LRP1B: variants seen among roughly 807,000 people sequenced by gnomAD.
LRP1B encodes the protein low-density lipoprotein receptor-related protein 1B.
A neutral mutation model predicts 556.6 loss-of-function variants in LRP1B; 217 were observed. The ratio of observed to expected loss-of-function variants is 0.39; its 90% confidence interval spans 0.35 to 0.44. LRP1B has a LOEUF of 0.44. Among genes scored for constraint, LRP1B ranks in the 20% least tolerant of loss-of-function variants. The pLI, the probability that LRP1B is intolerant of heterozygous loss-of-function variation, is 1.00. For synonymous variants in LRP1B, 2,047 were observed against 1,865.8 expected (o/e 1.10, Z -2.50); for missense variants, 5,053 against 5,620.8 (o/e 0.90, Z 3.23).
At chr2:141,636,170 A>G (rs1213316520) in intron 2 of LRP1B, among the ~76,000 whole-genome samples, 1 of 152,198 alleles carries the variant, frequency 6.6e-6, no homozygotes, top group African/African-American at 2.4e-5. Context: ...TATAAAAAGA[A>G]GATACATAAA....
chr2:141,682,095 C>T (rs1452088915), intron 2 of LRP1B, among the ~76,000 whole-genome samples: 4 of 151,964 alleles, frequency 2.6e-5, no homozygotes, highest in Admixed American at 2.0e-4. Context: ...AAGGGGGGAA[C>T]ATATGTGTAT....
At chr2:140,581,058 C>G (rs1209815754) in intron 43 of LRP1B, among the ~76,000 whole-genome samples, 1 of 152,140 alleles carries the variant, frequency 6.6e-6, no homozygotes, top group Non-Finnish European at 1.5e-5. Flanking sequence ...AGTATATCAG[C>G]AGGGTGAGTC....
intron 41 of LRP1B, among the ~76,000 whole-genome samples, chr2:140,645,279 T>G (rs79702858): frequency 6.6e-6 from 1 of 152,064 alleles, no homozygotes; most frequent in Non-Finnish European, 1.5e-5. Context: ...GGTTTATAAA[T>G]GTATATTTAT....
intron 35 of LRP1B, among the ~76,000 whole-genome samples, chr2:140,750,079 T>TACACAC (rs59747381): frequency 1.6e-4 from 24 of 150,720 alleles, no homozygotes; most frequent in African/African-American, 5.4e-4. Context: ...TGTGCACACG[T>TACACAC]ACACACACAC....
intron 42 of LRP1B, among the ~76,000 whole-genome samples, chr2:140,601,132 T>A (rs959895973): frequency 4.0e-5 from 6 of 151,832 alleles, no homozygotes; most frequent in Admixed American, 1.3e-4. Context: ...TTAATTTTTT[T>A]AAATATATGG....
At chr2:142,027,877 C>A (rs1021426557) in intron 1 of LRP1B, among the ~76,000 whole-genome samples, 6 of 151,854 alleles carry the variant, frequency 4.0e-5, no homozygotes, top group Non-Finnish European at 8.8e-5. Flanking sequence ...AGGTAGCTGT[C>A]TGTTTTAGAA....
intron 3 of LRP1B, among the ~76,000 whole-genome samples, chr2:141,319,309 T>C (rs1162435046): frequency 1.1e-5 from 1 of 87,466 alleles, no homozygotes; most frequent in Non-Finnish European, 2.5e-5. Flanking sequence ...GTTTTTTTGT[T>C]GTTTTTTTTT....
At chr2:141,452,591 G>A (rs1471430023) in intron 3 of LRP1B, among the ~76,000 whole-genome samples, 1 of 152,146 alleles carries the variant, frequency 6.6e-6, no homozygotes, top group East Asian at 1.9e-4. Context: ...CACATGGCAA[G>A]CATGAGATCT....
chr2:141,143,053 C>T (rs112769492), intron 7 of LRP1B, among the ~76,000 whole-genome samples: 5,300 of 151,644 alleles, frequency 0.035, 139 homozygotes, highest in East Asian at 0.16. Flanking sequence ...CTCAGCCTCC[C>T]GAGTAACTGG....
intron 27 of LRP1B, among the ~76,000 whole-genome samples, chr2:140,865,632 T>C (rs1692925511): frequency 6.6e-6 from 1 of 152,042 alleles, no homozygotes; most frequent in Non-Finnish European, 1.5e-5. Context: ...CTCTGATCAC[T>C]CTCAAAATTG....
intron 2 of LRP1B, among the ~76,000 whole-genome samples, chr2:141,780,394 ACT>A (rs904920318): frequency 4.6e-5 from 7 of 152,006 alleles, no homozygotes; most frequent in Admixed American, 3.9e-4. Context: ...ATTTTATGAC[ACT>A]CTGATTCTTC....
At chr2:140,563,451 C>T (rs1032856194) in intron 43 of LRP1B, among the ~76,000 whole-genome samples, 7 of 152,030 alleles carry the variant, frequency 4.6e-5, no homozygotes, top group African/African-American at 1.4e-4. Context: ...CTTTAGAAGG[C>T]AAAACTAATC....
intron 2 of LRP1B, among the ~76,000 whole-genome samples, chr2:141,716,117 A>T (rs16846952): frequency 0.025 from 3,827 of 152,246 alleles, 167 homozygotes; most frequent in African/African-American, 0.087. Flanking sequence ...AGGACACAGC[A>T]TAATAAAAGA....
At chr2:140,837,054 CT>C (rs766541254) in intron 31 of LRP1B, among the ~76,000 whole-genome samples, 1 of 152,194 alleles carries the variant, frequency 6.6e-6, no homozygotes, top group Non-Finnish European at 1.5e-5. Context: ...CACTTAGAGT[CT>C]TAATACTACA....
At chr2:140,683,611 T>G (rs1685940361) in intron 41 of LRP1B, 2 of 697,634 alleles carry the variant, frequency 2.9e-6, no homozygotes, top group African/African-American at 1.8e-5. Context: ...GGTGGACAGT[T>G]TGTCCCTTCT....
At chr2:140,802,671 G>A (rs1690557310) in intron 32 of LRP1B, among the ~76,000 whole-genome samples, 1 of 152,034 alleles carries the variant, frequency 6.6e-6, no homozygotes, top group Non-Finnish European at 1.5e-5. Flanking sequence ...GATATAGTAT[G>A]CCCAAAGCAT....
At chr2:140,324,453 T>C (rs1234894600) in intron 80 of LRP1B, among the ~76,000 whole-genome samples, 1 of 152,038 alleles carries the variant, frequency 6.6e-6, no homozygotes, top group Middle Eastern at 3.2e-3. Flanking sequence ...ATCAAATAAA[T>C]GATCAAATTA....
At chr2:140,772,355 G>A (rs1689343039) in intron 33 of LRP1B, among the ~76,000 whole-genome samples, 1 of 151,904 alleles carries the variant, frequency 6.6e-6, no homozygotes, top group Non-Finnish European at 1.5e-5. Context: ...TGTTGCCCAT[G>A]CTGAAGTGCA....
At chr2:141,032,535 G>A (rs1296768067) in intron 11 of LRP1B, among the ~76,000 whole-genome samples, 3 of 151,946 alleles carry the variant, frequency 2.0e-5, no homozygotes, top group Admixed American at 6.6e-5. Context: ...TGAATTTGGT[G>A]AAAACTATTC....
Sources: allele counts gnomAD v4.1 joint callset (sites outside exome capture counted in the v4.1 genomes callset), GRCh38; gene constraint gnomAD v4.1.1; transcripts MANE v1.5; gene names NCBI Gene and HGNC (gene_info 2026-07-23, HGNC 2026-07-21).